The following DIPK2B variants were observed in gnomAD, a reference collection of about 807,000 sequenced individuals.
DIPK2B encodes UPF0672 protein CXorf36.
A neutral mutation model predicts 22.2 loss-of-function variants in DIPK2B; 15 were observed. That is an observed-to-expected ratio of 0.68 (90% CI 0.45 to 1.04). The LOEUF (loss-of-function observed/expected upper bound fraction) is 1.04. Among genes scored for constraint, DIPK2B ranks in the 50% least tolerant of loss-of-function variants. The pLI is 0.00. For missense variants in DIPK2B, 345 were observed against 348.3 expected (o/e 0.99, Z 0.08); for synonymous variants, 163 against 153.2 (o/e 1.06, Z -0.47).
At chrX:45,174,347 A>G (rs1001561784) in intron 2 of DIPK2B, among the ~76,000 whole-genome samples, 42 of 111,898 alleles carry the variant, frequency 3.8e-4, no homozygotes, top group African/African-American at 1.3e-3. Context: ...ATAAAGTAGG[A>G]CCTTCTGAGG....
At chrX:45,160,736 G>C (rs1230683404) in intron 2 of DIPK2B, among the ~76,000 whole-genome samples, 1 of 112,102 alleles carries the variant, frequency 8.9e-6, no homozygotes, top group Non-Finnish European at 1.9e-5. Context: ...CAGAATGGAA[G>C]ACAGATGAAG....
At chrX:45,163,931 C>A in intron 2 of DIPK2B, 1 of 915,055 alleles carries the variant, frequency 1.1e-6, no homozygotes, top group South Asian at 5.8e-5. Context: ...CAGCAACAGC[C>A]CCATCTAGGG....
At chrX:45,193,896 T>C (rs1044551509) in intron 1 of DIPK2B, among the ~76,000 whole-genome samples, 2 of 110,448 alleles carry the variant, frequency 1.8e-5, no homozygotes, top group African/African-American at 6.6e-5. Flanking sequence ...CTCATGGAGT[T>C]TCAAACCCAC....
intron 2 of DIPK2B, among the ~76,000 whole-genome samples, chrX:45,174,604 TCAATGCATTTTAA>T (rs1344078345): frequency 9.2e-6 from 1 of 109,195 alleles, no homozygotes; most frequent in Non-Finnish European, 1.9e-5. Flanking sequence ...AGATCTAGTA[TCAATGCATTTTAA>T]CTGAAGGATC....
At chrX:45,162,598 T>C (rs2047027661) in intron 2 of DIPK2B, 1 of 752,674 alleles carries the variant, frequency 1.3e-6, no homozygotes, top group Admixed American at 8.8e-5. Context: ...TAAAATAAGG[T>C]TTCATTTCAA....
intron 3 of DIPK2B, among the ~76,000 whole-genome samples, chrX:45,155,238 CAT>C (rs1277067677): frequency 9.1e-6 from 1 of 109,562 alleles, no homozygotes; most frequent in African/African-American, 3.3e-5. Flanking sequence ...GCCTGGCCAA[CAT>C]GGCATAGCCT....
intron 1 of DIPK2B, among the ~76,000 whole-genome samples, chrX:45,195,474 T>G (rs1016346281): frequency 8.9e-6 from 1 of 112,036 alleles, no homozygotes; most frequent in Non-Finnish European, 1.9e-5. Context: ...ATTCTTCTCA[T>G]GCTTGCATCT....
intron 2 of DIPK2B, among the ~76,000 whole-genome samples, chrX:45,168,891 G>A (rs1429524831): frequency 8.9e-6 from 1 of 112,320 alleles, no homozygotes; most frequent in Non-Finnish European, 1.9e-5. Context: ...GTCCAATCAA[G>A]TAGTTAACAA....
At chrX:45,162,107 A>G (rs939849046) in intron 2 of DIPK2B, among the ~76,000 whole-genome samples, 2 of 110,815 alleles carry the variant, frequency 1.8e-5, no homozygotes, top group Admixed American at 1.9e-4. Flanking sequence ...ATATGTGGAG[A>G]AAAAAACCAA....
At chrX:45,184,143 C>T (rs1292481172) in intron 2 of DIPK2B, among the ~76,000 whole-genome samples, 1 of 111,368 alleles carries the variant, frequency 9.0e-6, no homozygotes, top group African/African-American at 3.3e-5. Context: ...AAAAAGAGAA[C>T]TGGGGATGTT....
chrX:45,195,477 T>C (rs1387449066), intron 1 of DIPK2B, among the ~76,000 whole-genome samples: 1 of 112,029 alleles, frequency 8.9e-6, no homozygotes, highest in Non-Finnish European at 1.9e-5. Flanking sequence ...CTTCTCATGC[T>C]TGCATCTGGT....
chrX:45,181,792 G>A (rs2047154972), intron 2 of DIPK2B, among the ~76,000 whole-genome samples: 1 of 111,894 alleles, frequency 8.9e-6, no homozygotes, highest in South Asian at 3.7e-4. Flanking sequence ...ACGATAAACA[G>A]AACATTAAAA....
chrX:45,165,788 T>G (rs1569544701), intron 2 of DIPK2B, among the ~76,000 whole-genome samples: 1 of 112,180 alleles, frequency 8.9e-6, no homozygotes, highest in East Asian at 2.8e-4. Context: ...AGCTCTCTCT[T>G]TGGAATTTCG....
intron 2 of DIPK2B, chrX:45,163,796 T>A: frequency 1.3e-6 from 1 of 772,289 alleles, no homozygotes; most frequent in Non-Finnish European, 1.5e-6. Context: ...ATGTGGGCCT[T>A]TGGTAATGTT....
At chrX:45,161,204 T>C (rs888893064) in intron 2 of DIPK2B, among the ~76,000 whole-genome samples, 5 of 112,342 alleles carry the variant, frequency 4.5e-5, no homozygotes, top group African/African-American at 1.6e-4. Context: ...AGCCACTATA[T>C]TGGCCTTCGA....
intron 2 of DIPK2B, among the ~76,000 whole-genome samples, chrX:45,158,645 AAAAT>A (rs1177812066): frequency 4.5e-5 from 5 of 111,071 alleles, no homozygotes; most frequent in Non-Finnish European, 7.6e-5. Context: ...CTGATAAAAA[AAAAT>A]AGAGTTAAGA....
intron 2 of DIPK2B, among the ~76,000 whole-genome samples, chrX:45,166,151 G>A (rs1351339241): frequency 9.0e-6 from 1 of 111,691 alleles, no homozygotes; most frequent in Non-Finnish European, 1.9e-5. Context: ...AGAGGATGGG[G>A]CAATGCTATG....
chrX:45,193,033 C>A (rs910627067), intron 1 of DIPK2B, among the ~76,000 whole-genome samples: 1 of 112,714 alleles, frequency 8.9e-6, no homozygotes, highest in Non-Finnish European at 1.9e-5. Flanking sequence ...CCCGCCTCTA[C>A]CTCCCAAAGT....
chrX:45,170,363 C>A, intron 2 of DIPK2B, among the ~76,000 whole-genome samples: 1 of 112,021 alleles, frequency 8.9e-6, no homozygotes, highest in Middle Eastern at 4.6e-3. Flanking sequence ...ACTCACCCAC[C>A]GACTCCTGTC....
Sources: allele counts gnomAD v4.1 joint callset (sites outside exome capture counted in the v4.1 genomes callset), GRCh38; gene constraint gnomAD v4.1.1; transcripts MANE v1.5; gene names NCBI Gene and HGNC (gene_info 2026-07-23, HGNC 2026-07-21).